Variants in LRRTM3 observed in about 807,000 individuals in gnomAD.
LRRTM3 encodes leucine-rich repeat transmembrane neuronal protein 3.
A neutral mutation model predicts 44.7 loss-of-function variants in LRRTM3; 24 were observed. That is an observed-to-expected ratio of 0.54 (90% CI 0.39 to 0.76). The LOEUF (loss-of-function observed/expected upper bound fraction) is 0.76, where lower values mean the gene tolerates loss of function less well. LRRTM3 is among the 30% of genes least tolerant of loss of function. The pLI, the probability that LRRTM3 is intolerant of heterozygous loss-of-function variation, is 0.00. For synonymous variants in LRRTM3, 277 were observed against 278.7 expected, an observed-to-expected ratio of 0.99 and a Z score of 0.06; for missense variants, 587 against 702.2, an observed-to-expected ratio of 0.84 and a Z score of 1.85.
intron 2 of LRRTM3, among the ~76,000 whole-genome samples, chr10:67,026,786 A>G (rs1426325462): frequency 1.3e-5 from 2 of 152,206 alleles, no homozygotes; most frequent in African/African-American, 4.8e-5. Context: ...ATAAGGAGAG[A>G]TTTATGAAAA....
chr10:67,057,030 C>T (rs751571212), intron 2 of LRRTM3, among the ~76,000 whole-genome samples: 1 of 152,214 alleles, frequency 6.6e-6, no homozygotes, highest in African/African-American at 2.4e-5. Flanking sequence ...TTAAGCACTA[C>T]ATCAGCAATT....
intron 2 of LRRTM3, among the ~76,000 whole-genome samples, chr10:66,929,288 T>C (rs1847240470): frequency 6.6e-6 from 1 of 152,186 alleles, no homozygotes; most frequent in South Asian, 2.1e-4. Flanking sequence ...CACCTCACAT[T>C]AGTTAGGGAG....
chr10:67,090,564 G>A (rs1027703147), intron 2 of LRRTM3, among the ~76,000 whole-genome samples: 10 of 152,048 alleles, frequency 6.6e-5, no homozygotes, highest in African/African-American at 1.4e-4. Context: ...CTCACTAGAC[G>A]AGTGATTTTA....
chr10:67,036,420 C>T (rs1028292391), intron 2 of LRRTM3, among the ~76,000 whole-genome samples: 1 of 152,132 alleles, frequency 6.6e-6, no homozygotes. Flanking sequence ...AACCCCAGCA[C>T]TTTGGAAGGC....
In LRRTM3 at chr10:67,099,157, C is replaced by T. The variant is rs1452196552; in HGVS notation, c.*1361C>T. Reference sequence around the variant, plus strand: ...TAACTCAGAGTAATTTGACACCAGCCCAGATCATATATTGATTATACAATT... The same window carrying T: ...TAACTCAGAGTAATTTGACACCAGCTCAGATCATATATTGATTATACAATT... On this transcript the variant is annotated 3_prime_UTR_variant, in exon 3 of 3. Transcript: ENST00000361320. The T allele has an allele frequency of 6.6e-6, 1 of 151,608 alleles. No individual in the cohort carries two copies. The highest frequency in any genetic ancestry group is 2.4e-5 in the African/African-American group (1 of 41,334). 9.4% of individuals were successfully genotyped at this position (151,608 alleles called of 1,614,324 possible).
chr10:66,962,572 G>C (rs1015329436), intron 2 of LRRTM3, among the ~76,000 whole-genome samples: 1 of 151,896 alleles, frequency 6.6e-6, no homozygotes, highest in Admixed American at 6.6e-5. Flanking sequence ...ACCACACCCA[G>C]ATAATTTTTT....
At chr10:67,023,307 A>G (rs912650951) in intron 2 of LRRTM3, among the ~76,000 whole-genome samples, 34 of 152,146 alleles carry the variant, frequency 2.2e-4, no homozygotes, top group South Asian at 4.1e-4. Flanking sequence ...AAAAGGTTCT[A>G]TGTAGAGTAG....
chr10:67,078,876 GTAATTT>G (rs1856885871), intron 2 of LRRTM3, among the ~76,000 whole-genome samples: 1 of 152,152 alleles, frequency 6.6e-6, no homozygotes, highest in Non-Finnish European at 1.5e-5. Flanking sequence ...CAGGACACTT[GTAATTT>G]TGACAATGCA....
chr10:67,085,785 C>T (rs373047805), intron 2 of LRRTM3, among the ~76,000 whole-genome samples: 5 of 151,960 alleles, frequency 3.3e-5, no homozygotes, highest in East Asian at 1.9e-4. Flanking sequence ...TTTACTAATA[C>T]GCAAGCCTGC....
chr10:66,970,273 T>C (rs573767353), intron 2 of LRRTM3, among the ~76,000 whole-genome samples: 1 of 152,292 alleles, frequency 6.6e-6, no homozygotes, highest in East Asian at 1.9e-4. Context: ...AGGATGGCTA[T>C]TGGGATTTCT....
At chr10:66,937,827 C>T (rs1324840045) in intron 2 of LRRTM3, among the ~76,000 whole-genome samples, 1 of 152,124 alleles carries the variant, frequency 6.6e-6, no homozygotes, top group African/African-American at 2.4e-5. Flanking sequence ...CTGAGCTTTT[C>T]CAGAATAGAT....
chr10:66,968,989 C>A (rs1849580426), intron 2 of LRRTM3, among the ~76,000 whole-genome samples: 1 of 151,820 alleles, frequency 6.6e-6, no homozygotes. Flanking sequence ...TGCACTCCAG[C>A]CTGGGCAACA....
chr10:67,018,568 C>G (rs1217034203), intron 2 of LRRTM3, among the ~76,000 whole-genome samples: 2 of 152,184 alleles, frequency 1.3e-5, no homozygotes, highest in Non-Finnish European at 2.9e-5. Flanking sequence ...CAGTAATAGA[C>G]AGACCTGCTA....
chr10:67,034,052 G>A (rs892038814), intron 2 of LRRTM3, among the ~76,000 whole-genome samples: 1 of 152,300 alleles, frequency 6.6e-6, no homozygotes, highest in East Asian at 1.9e-4. Context: ...GACTACAGGC[G>A]TGAGCCACCG....
At chr10:66,955,953 T>C (rs1273526374) in intron 2 of LRRTM3, among the ~76,000 whole-genome samples, 1 of 152,168 alleles carries the variant, frequency 6.6e-6, no homozygotes, top group Non-Finnish European at 1.5e-5. Flanking sequence ...TTAGTCATTC[T>C]GGTCATGGAG....
chr10:66,933,433 G>A (rs779568188), intron 2 of LRRTM3, among the ~76,000 whole-genome samples: 2 of 152,142 alleles, frequency 1.3e-5, no homozygotes, highest in African/African-American at 2.4e-5. Flanking sequence ...CAATCAGGAC[G>A]TTTACCTGTC....
At chr10:66,960,726 G>A (rs896882741) in intron 2 of LRRTM3, among the ~76,000 whole-genome samples, 1 of 152,076 alleles carries the variant, frequency 6.6e-6, no homozygotes, top group African/African-American at 2.4e-5. Context: ...TTTTAAGGGG[G>A]AAATACAGAA....
At chr10:67,051,079 A>T (rs1855060237) in intron 2 of LRRTM3, among the ~76,000 whole-genome samples, 1 of 152,224 alleles carries the variant, frequency 6.6e-6, no homozygotes, top group Admixed American at 6.5e-5. Context: ...ATATTTACAG[A>T]TACAAATTAA....
At chr10:66,999,759 A>G (rs1354322783) in intron 2 of LRRTM3, among the ~76,000 whole-genome samples, 6 of 152,180 alleles carry the variant, frequency 3.9e-5, no homozygotes, top group African/African-American at 7.2e-5. Context: ...TATTTTATCA[A>G]TTTATCTTAG....
Sources: gnomAD v4.1 joint callset for allele counts (sites outside exome capture counted in the v4.1 genomes callset) on GRCh38, gnomAD v4.1.1 for gene constraint, MANE v1.5 for transcripts, NCBI Gene and HGNC (gene_info 2026-07-23, HGNC 2026-07-21) for gene names.